The following CADPS2 variants were observed in gnomAD, a reference collection of about 807,000 sequenced individuals.
CADPS2 encodes calcium-dependent secretion activator 2.
CADPS2 carries 93 observed loss-of-function variants against 172.5 expected under a neutral mutation model. That is an observed-to-expected ratio of 0.54 (90% CI 0.46 to 0.64). The LOEUF (loss-of-function observed/expected upper bound fraction) is 0.64. Among genes scored for constraint, CADPS2 ranks in the 30% least tolerant of loss-of-function variants. The pLI, the probability that CADPS2 is intolerant of heterozygous loss-of-function variation, is 0.00. For synonymous variants in CADPS2, 546 were observed against 555.2 expected, an observed-to-expected ratio of 0.98 and a Z score of 0.23; for missense variants, 1,420 against 1,565.9, an observed-to-expected ratio of 0.91 and a Z score of 1.57.
intron 28 of CADPS2, among the ~76,000 whole-genome samples, chr7:122,335,245 A>G (rs1437927176): frequency 6.6e-6 from 1 of 152,212 alleles, no homozygotes; most frequent in Non-Finnish European, 1.5e-5. Context: ...TTAAACTTAT[A>G]CATTTATTGC....
At position 122,884,470 on chromosome 7, in the gene CADPS2, T is replaced by C. The variant is rs111762990; in HGVS notation, c.339+1529A>G. The stretch of plus-strand genomic sequence containing the variant: ...TTTAACTGTGCCAATTTGTTTGGGA[T>C]TGGGAAATGCTATTATGACCTATTT... On this transcript the variant is annotated intron_variant, in intron 1 of 29. Transcript: ENST00000449022. Among the ~76,000 whole-genome samples, 361 of 152,292 alleles carry C rather than the reference T, an allele frequency of 2.4e-3. 1 individual carries two copies. The highest frequency in any genetic ancestry group is 7.9e-3 in the African/African-American group (329 of 41,568).
chr7:122,734,852 G>A (rs1032624668), intron 2 of CADPS2, among the ~76,000 whole-genome samples: 2 of 152,006 alleles, frequency 1.3e-5, no homozygotes, highest in South Asian at 4.1e-4. Flanking sequence ...ATTTTGAGAC[G>A]TGCACAAAGA....
chr7:122,835,513 C>A lies in CADPS2; in HGVS notation c.339+50486G>T, dbSNP rs143635520. Among the ~76,000 whole-genome samples, 16 of 152,242 alleles carry A rather than the reference C, an allele frequency of 1.1e-4. No homozygotes were observed. The South Asian group carries it at 2.7e-3, about 26-fold the overall frequency. The stretch of plus-strand genomic sequence containing the variant: ...GCTAAAGGCAGAAGTTCGAACCCAA[C>A]GCAAAGAAGCTAAAAACCTTGAAAA... On this transcript the variant is annotated intron_variant, in intron 1 of 29. Transcript: ENST00000449022.
intron 1 of CADPS2, among the ~76,000 whole-genome samples, chr7:122,866,944 A>C (rs1818468372): frequency 6.6e-6 from 1 of 152,134 alleles, no homozygotes; most frequent in Non-Finnish European, 1.5e-5. Context: ...TTCTCACATC[A>C]TGCTAGCCAC....
chr7:122,345,543 G>T, intron 28 of CADPS2, 31 bp downstream of exon 28: 2 of 1,290,490 alleles, frequency 1.5e-6, no homozygotes, highest in Non-Finnish European at 2.2e-6. Flanking sequence ...TATCTATGGT[G>T]TCAGCATACC....
chr7:122,531,479 T>C (rs2061748307), intron 8 of CADPS2, among the ~76,000 whole-genome samples: 1 of 152,190 alleles, frequency 6.6e-6, no homozygotes, highest in South Asian at 2.1e-4. Flanking sequence ...TCCCACTAAC[T>C]CTTAAGAATG....
At chr7:122,447,765 C>T (rs1248942601) in intron 15 of CADPS2, among the ~76,000 whole-genome samples, 1 of 151,568 alleles carries the variant, frequency 6.6e-6, no homozygotes, top group Non-Finnish European at 1.5e-5. Flanking sequence ...GTTGGCCAGG[C>T]TGGTCTCAAA....
chr7:122,595,223 T>A (rs2071568045), intron 6 of CADPS2, among the ~76,000 whole-genome samples: 1 of 151,850 alleles, frequency 6.6e-6, no homozygotes, highest in Non-Finnish European at 1.5e-5. Context: ...AGATAAAAAG[T>A]ACTAGAGAAA....
chr7:122,470,787 C>T (rs542910517), intron 14 of CADPS2, among the ~76,000 whole-genome samples: 46 of 152,232 alleles, frequency 3.0e-4, no homozygotes, highest in Non-Finnish European at 5.4e-4. Context: ...TAAGCCACCA[C>T]ACGCGGCATG....
At position 122,726,368 on chromosome 7, in the gene CADPS2, G is replaced by A. The variant is rs558917670; in HGVS notation, c.453+10587C>T. ...CTTAGCTAATCACAGGCTTGCGTAC[G>A]TTACTTGTTTAATGTTCCATGCTTT... is the stretch of plus-strand genomic sequence containing the variant. On this transcript the variant is annotated intron_variant, in intron 2 of 29. Coordinates refer to ENST00000449022, the MANE Select transcript of CADPS2 (RefSeq NM_017954.11). Among the ~76,000 whole-genome samples, 4 of 152,042 alleles carry A rather than the reference G, an allele frequency of 2.6e-5. No individual in the cohort carries two copies. The East Asian group carries it at 5.8e-4, about 22-fold the overall frequency.
chr7:122,525,420 T>C (rs1288376349), intron 8 of CADPS2, among the ~76,000 whole-genome samples: 2 of 152,192 alleles, frequency 1.3e-5, no homozygotes, highest in African/African-American at 4.8e-5. Flanking sequence ...GAAAACTATG[T>C]CACTTGAACT....
intron 1 of CADPS2, among the ~76,000 whole-genome samples, chr7:122,870,901 A>G (rs1384595930): frequency 1.3e-5 from 2 of 152,064 alleles, no homozygotes; most frequent in Non-Finnish European, 2.9e-5. Context: ...TTTTTCCCTG[A>G]ATGTAAATTA....
At chr7:122,399,373 T>C (rs1563238506) in intron 20 of CADPS2, among the ~76,000 whole-genome samples, 2 of 152,190 alleles carry the variant, frequency 1.3e-5, no homozygotes, top group Admixed American at 1.3e-4. Context: ...GATTTGTAAA[T>C]TGTAGGCATT....
chr7:122,396,002 G>A (rs2045067697), intron 20 of CADPS2, among the ~76,000 whole-genome samples: 1 of 151,986 alleles, frequency 6.6e-6, no homozygotes, highest in Non-Finnish European at 1.5e-5. Context: ...TAGAGACAGG[G>A]TTTCTCCATG....
intron 9 of CADPS2, among the ~76,000 whole-genome samples, chr7:122,498,036 ACCT>A (rs763835751): frequency 3.3e-5 from 5 of 152,068 alleles, no homozygotes; most frequent in South Asian, 4.2e-4. Context: ...GCTCACTGCA[ACCT>A]CCTCCTCAAG....
intron 1 of CADPS2, among the ~76,000 whole-genome samples, chr7:122,845,769 C>A (rs562112111): frequency 7.2e-4 from 110 of 152,292 alleles, no homozygotes; most frequent in African/African-American, 2.6e-3. Flanking sequence ...TTGAAATAGT[C>A]TTTTGGGGGC....
At position 122,747,698 on chromosome 7, in the gene CADPS2, T is replaced by C. The variant is rs1334538404; in HGVS notation, c.340-10630A>G. 1.4e-4 allele frequency among the ~76,000 whole-genome samples: 22 copies of C among 152,140 alleles called. 1 individual carries two copies. On this transcript the variant is annotated intron_variant, in intron 1 of 29. Coordinates refer to ENST00000449022, the MANE Select transcript of CADPS2 (RefSeq NM_017954.11). The stretch of plus-strand genomic sequence containing the variant: ...AAATTTGGGGGCAGAACCAGGTATA[T>C]CTGACTGATATGCTCTTAGCCACTG...
chr7:122,745,291 T>G (rs2138146628), intron 1 of CADPS2, among the ~76,000 whole-genome samples: 1 of 152,150 alleles, frequency 6.6e-6, no homozygotes, highest in African/African-American at 2.4e-5. Context: ...CTAACATGTC[T>G]GATTAATCTT....
rs202155427 is a variant in CADPS2, at chr7:122,367,539, GT to G, written c.3388-6527del. On this transcript the variant is annotated intron_variant, in intron 25 of 29. Transcript: ENST00000449022. ...TAACCATATTCTAAACCTTCCCCCA[GT>G]TTTTTTTTTTTTTTTTTTTTTTTTA... 4.3e-3 allele frequency among the ~76,000 whole-genome samples: 432 copies of G among 100,554 alleles called. 8 individuals carry two copies. The highest frequency in any genetic ancestry group is 0.041 in the East Asian group (95 of 2,320). The allele number at this position is 100,554 out of a possible 152,430, so 66.0% of individuals were successfully genotyped here.
Sources: allele counts gnomAD v4.1 joint callset (sites outside exome capture counted in the v4.1 genomes callset), GRCh38; gene constraint gnomAD v4.1.1; transcripts MANE v1.5; gene names NCBI Gene and HGNC (gene_info 2026-07-23, HGNC 2026-07-21).